The following FOXP2 variants were observed in gnomAD, a reference collection of about 807,000 sequenced individuals.
FOXP2 encodes forkhead box P2, also known as forkhead box protein P2.
A neutral mutation model predicts 115.8 loss-of-function variants in FOXP2; 12 were observed. The ratio of observed to expected loss-of-function variants is 0.10; its 90% CI spans 0.07 to 0.17. FOXP2 has a LOEUF of 0.17. Ranked by LOEUF, FOXP2 falls within the 10% of genes least tolerant of loss-of-function variation. The probability of loss-of-function intolerance (pLI) is 1.00; values close to 1 mark genes in which losing one functional copy is unlikely to be tolerated. For missense variants in FOXP2, 629 were observed against 843.5 expected, an observed-to-expected ratio of 0.75 and a Z score of 3.15; for synonymous variants, 328 against 297.7, an observed-to-expected ratio of 1.10 and a Z score of -1.05.
In FOXP2 at chr7:114,690,642, C is replaced by T. The variant is rs949108770; in HGVS notation, c.*716C>T. The T allele has an allele frequency of 2.6e-5, 12 of 454,136 alleles. No individual in the cohort carries two copies. The highest frequency in any genetic ancestry group is 2.0e-4 in the African/African-American group (10 of 50,000). 28.1% of individuals were successfully genotyped at this position (454,136 alleles called of 1,614,324 possible). ...TAAGCTAACATTATCTGTGCAAGCA[C>T]CATAGAAACATTTGCATATCTGCAT... is the stretch of plus-strand genomic sequence containing the variant. On this transcript the variant is annotated 3_prime_UTR_variant, in exon 17 of 17. Coordinates refer to ENST00000350908, the MANE Select transcript of FOXP2 (RefSeq NM_014491.4).
intron 2 of FOXP2, among the ~76,000 whole-genome samples, chr7:114,334,931 CTATATATATATATA>C (rs144511332): frequency 3.1e-4 from 37 of 119,334 alleles, no homozygotes; most frequent in African/African-American, 9.3e-4. Flanking sequence ...ATATAGAAAT[CTATATATATATATA>C]TATATATATA....
chr7:114,390,023 CAAAAAAAAAAA>C (rs11311566), intron 2 of FOXP2, among the ~76,000 whole-genome samples: 1 of 93,192 alleles, frequency 1.1e-5, no homozygotes, highest in Non-Finnish European at 2.0e-5. Flanking sequence ...CATTCAGTGT[CAAAAAAAAAAA>C]AAAAAAAAAG....
chr7:114,617,075 C>A (rs184128507), intron 3 of FOXP2, among the ~76,000 whole-genome samples: 2 of 152,002 alleles, frequency 1.3e-5, no homozygotes, highest in African/African-American at 4.8e-5. Flanking sequence ...ACAGAGCGTG[C>A]GACTCTCTTT....
intron 1 of FOXP2, among the ~76,000 whole-genome samples, chr7:114,244,341 T>G (rs1231077131): frequency 6.6e-6 from 1 of 152,224 alleles, no homozygotes; most frequent in Non-Finnish European, 1.5e-5. Context: ...ATGTCCTTTT[T>G]CTGGATACCA....
At chr7:114,257,069 A>G (rs906182920) in intron 1 of FOXP2, among the ~76,000 whole-genome samples, 11 of 152,224 alleles carry the variant, frequency 7.2e-5, no homozygotes, top group Non-Finnish European at 1.5e-5. Flanking sequence ...AGTAAACAAA[A>G]CAGCATGGTA....
At position 114,150,681 on chromosome 7, in the gene FOXP2, G is replaced by T. The variant is rs575749309; in HGVS notation, c.-246-12263G>T. ...AATAGATATATATTCTTTATATGAT[G>T]TCTACTTTACCAAAGAAAACTTTCA... is the stretch of plus-strand genomic sequence containing the variant. On this transcript the variant is annotated intron_variant, in intron 1 of 19. Coordinates refer to the FOXP2 transcript ENST00000635638. 2.6e-5 allele frequency among the ~76,000 whole-genome samples: 4 copies of T among 152,022 alleles called. No homozygotes were observed. In the East Asian group the frequency reaches 7.7e-4, roughly 29 times the overall value.
At chr7:114,117,928 C>T (rs1046100366) in intron 1 of FOXP2, among the ~76,000 whole-genome samples, 4 of 152,082 alleles carry the variant, frequency 2.6e-5, no homozygotes, top group African/African-American at 9.7e-5. Flanking sequence ...TCTCTTGTGA[C>T]TCTTATAAGG....
rs1798571838 is a variant in FOXP2, at chr7:114,520,542, A to T, written c.169-14075A>T. Among the ~76,000 whole-genome samples, 3 of 152,118 alleles carry T rather than the reference A, an allele frequency of 2.0e-5. No homozygotes were observed. The South Asian group carries it at 6.2e-4, about 31-fold the overall frequency. Reference sequence around the variant, plus strand: ...ACATTAATAAATATTAATTTGATAGACTTAATAAAGGAGTTAGAAAATAAA... The same window carrying T: ...ACATTAATAAATATTAATTTGATAGTCTTAATAAAGGAGTTAGAAAATAAA... On this transcript the variant is annotated intron_variant, in intron 2 of 16. Transcript: ENST00000350908.
At chr7:114,554,882 T>G (rs1248789655) in intron 3 of FOXP2, among the ~76,000 whole-genome samples, 1 of 152,188 alleles carries the variant, frequency 6.6e-6, no homozygotes, top group Admixed American at 6.5e-5. Context: ...ATCTGTATGA[T>G]GATTTTGTGA....
At chr7:114,566,372 G>A (rs1801022022) in intron 3 of FOXP2, among the ~76,000 whole-genome samples, 1 of 152,088 alleles carries the variant, frequency 6.6e-6, no homozygotes, top group African/African-American at 2.4e-5. Context: ...CACGGGAGGT[G>A]TTTGGGTCAT....
At chr7:114,512,266 A>G (rs1158575748) in intron 2 of FOXP2, among the ~76,000 whole-genome samples, 1 of 152,228 alleles carries the variant, frequency 6.6e-6, no homozygotes, top group Non-Finnish European at 1.5e-5. Flanking sequence ...AGATTCACTA[A>G]CAGGCAGTCC....
intron 1 of FOXP2, among the ~76,000 whole-genome samples, chr7:114,260,918 G>A (rs1458814514): frequency 1.3e-5 from 2 of 152,110 alleles, no homozygotes; most frequent in African/African-American, 4.8e-5. Context: ...AAGAAGAGCT[G>A]CATATTTTTG....
intron 2 of FOXP2, among the ~76,000 whole-genome samples, chr7:114,451,412 T>A (rs1275155696): frequency 1.3e-5 from 2 of 152,058 alleles, no homozygotes; most frequent in Admixed American, 6.6e-5. Context: ...TATTGTTTGA[T>A]GAAATGAGGA....
rs374341016 is a variant in FOXP2 at position 114,566,632 on chromosome 7, A to C, written c.258+31926A>C. Among the ~76,000 whole-genome samples the C allele has an allele frequency of 7.8e-4, 118 of 152,222 alleles. 1 individual carries two copies. Among genetic ancestry groups the C allele is most frequent in the African/African-American group, 2.8e-3 (115 of 41,536 alleles). Reference sequence around the variant, plus strand: ...TTCTTGTACAGCGTGCAAAACTATGAGCCAAATAAACCTCTTTTCCTTATA... The same window carrying C: ...TTCTTGTACAGCGTGCAAAACTATGCGCCAAATAAACCTCTTTTCCTTATA... On this transcript the variant is annotated intron_variant, in intron 3 of 16. Coordinates refer to ENST00000350908, the MANE Select transcript of FOXP2 (RefSeq NM_014491.4).
chr7:114,468,257 T>G (rs902561962), intron 2 of FOXP2, among the ~76,000 whole-genome samples: 28 of 152,180 alleles, frequency 1.8e-4, no homozygotes, highest in Middle Eastern at 3.2e-3. Context: ...GATTTCTCAG[T>G]TACTTTAAAG....
At chr7:114,563,709 T>G (rs950102365) in intron 3 of FOXP2, among the ~76,000 whole-genome samples, 16 of 152,208 alleles carry the variant, frequency 1.1e-4, no homozygotes, top group African/African-American at 3.6e-4. Context: ...AACTTAAGTC[T>G]TGTATAGCCA....
At chr7:114,412,737 T>A (rs780877240), upstream of FOXP2, among the ~76,000 whole-genome samples, 1 of 152,160 alleles carries the variant, frequency 6.6e-6, no homozygotes, top group Non-Finnish European at 1.5e-5. Flanking sequence ...TGACACTGTC[T>A]GCCAGCCTGA....
intron 3 of FOXP2, among the ~76,000 whole-genome samples, chr7:114,626,402 G>C (rs1804586076): frequency 6.6e-6 from 1 of 151,704 alleles, no homozygotes; most frequent in East Asian, 1.9e-4. Flanking sequence ...TATACATAAA[G>C]TATTTGTACT....
intron 16 of FOXP2, among the ~76,000 whole-genome samples, chr7:114,680,436 A>G (rs1808025519): frequency 6.6e-6 from 1 of 152,212 alleles, no homozygotes. Flanking sequence ...AAGGAATGTG[A>G]TGTTTTATCA....
Sources: gnomAD v4.1 joint callset for allele counts (sites outside exome capture counted in the v4.1 genomes callset) on GRCh38, gnomAD v4.1.1 for gene constraint, MANE v1.5 for transcripts, NCBI Gene and HGNC (gene_info 2026-07-23, HGNC 2026-07-21) for gene names.